The following RPS29 variants were observed in gnomAD, a reference collection of about 807,000 sequenced individuals.
RPS29 encodes ribosomal protein S29, also known as small ribosomal subunit protein uS14.
For synonymous variants in RPS29, 37 were observed against 26.9 expected (o/e 1.37, Z -1.16); for missense variants, 60 against 75.7 (o/e 0.79, Z 0.77).
intron 1 of RPS29, among the ~76,000 whole-genome samples, chr14:49,596,573 T>C (rs1023601180): frequency 5.3e-5 from 8 of 152,136 alleles, no homozygotes; most frequent in Non-Finnish European, 1.2e-4. Flanking sequence ...CAAAAACTGA[T>C]AGATGTTTAA....
At chr14:49,583,483 C>G (rs1463527090), downstream of RPS29, 3 of 557,208 alleles carry the variant, frequency 5.4e-6, no homozygotes, top group Non-Finnish European at 8.9e-6. Context: ...TCCAGCCTGG[C>G]GACAGAGGGG....
At chr14:49,582,620 ATT>A (rs1443325141), downstream of RPS29, among the ~76,000 whole-genome samples, 5 of 152,254 alleles carry the variant, frequency 3.3e-5, no homozygotes, top group Non-Finnish European at 4.4e-5. Flanking sequence ...GAACTCAAGT[ATT>A]TGTACAATTG....
Position 49,598,528 on chromosome 14 carries a change from G to A in RPS29, c.-261C>T, listed in dbSNP as rs777410598. ...AAACCACCAGCAGCCCGTCCGCGCC[G>A]GGAAATGCGCCCTCGCTGGCTTACG... On this transcript the variant is annotated 5_prime_UTR_variant, in exon 1 of 4. Coordinates refer to the RPS29 transcript ENST00000556230. 56 of 702,258 alleles carry A rather than the reference G, an allele frequency of 8.0e-5. 1 individual carries two copies. The highest frequency in any genetic ancestry group is 7.1e-4 in the South Asian group (48 of 67,600). The allele number at this position is 702,258 out of a possible 1,614,324, so 43.5% of individuals were successfully genotyped here.
upstream of RPS29, among the ~76,000 whole-genome samples, chr14:49,587,678 A>C (rs565650664): frequency 6.6e-6 from 1 of 152,256 alleles, no homozygotes; most frequent in African/African-American, 2.4e-5. Context: ...ATTATCTCCA[A>C]GACTTCAACA....
At chr14:49,579,214 T>C (rs780302346), downstream of RPS29, among the ~76,000 whole-genome samples, 11 of 152,146 alleles carry the variant, frequency 7.2e-5, no homozygotes, top group Non-Finnish European at 1.2e-4. Context: ...CTATCCACCA[T>C]GTAAGGACAC....
chr14:49,583,256 T>C (rs1449358950), downstream of RPS29, among the ~76,000 whole-genome samples: 2 of 152,204 alleles, frequency 1.3e-5, no homozygotes, highest in Non-Finnish European at 2.9e-5. Context: ...ATGTAAGTTT[T>C]TAAAGGATTT....
upstream of RPS29, among the ~76,000 whole-genome samples, chr14:49,589,712 A>C (rs184766385): frequency 7.9e-5 from 12 of 152,382 alleles, no homozygotes; most frequent in African/African-American, 2.6e-4. Flanking sequence ...AAATCATTCT[A>C]CAGTAAAGGC....
intron 1 of RPS29, among the ~76,000 whole-genome samples, chr14:49,595,273 T>C (rs1248750813): frequency 6.6e-6 from 1 of 152,020 alleles, no homozygotes; most frequent in African/African-American, 2.4e-5. Flanking sequence ...TGTCCATAGA[T>C]TGTGACCTCG....
downstream of RPS29, among the ~76,000 whole-genome samples, chr14:49,581,613 T>C (rs1254124006): frequency 6.6e-6 from 1 of 152,154 alleles, no homozygotes; most frequent in Non-Finnish European, 1.5e-5. Flanking sequence ...TTTTAAATTT[T>C]TGCTATTCTC....
At chr14:49,590,205 T>C (rs1881681830), upstream of RPS29, among the ~76,000 whole-genome samples, 1 of 152,146 alleles carries the variant, frequency 6.6e-6, no homozygotes, top group Non-Finnish European at 1.5e-5. Context: ...TGGCCAGGCA[T>C]GGTGGCTCAC....
At chr14:49,573,103 G>GAAAAAAAGAAAGAAAGAAAGAAAGAAA (rs1566473648) in exon 3 of RPS29, 1 of 142,442 alleles carries the variant, frequency 7.0e-6, no homozygotes, top group African/African-American at 2.6e-5. Flanking sequence ...AAAGAAAGAA[G>GAAAAAAAGAAAGAAAGAAAGAAAGAAA]GAAAGAAAGA....
In RPS29 at chr14:49,586,043, G is replaced by C; in HGVS notation, c.69C>G (p.Val23=). ...GGATCAGACCGTGCCGGTTTGAACA[G>C]ACACGACTGTAAGAAAAGAGACAGC... ...KFGQGSRSCR[V]CSNRHGLIRK... is the part of the protein sequence containing the mutation. The change falls in exon 2 of 3, where the codon GTC becomes GTG. Residue 23 remains valine, a synonymous_variant. Coordinates refer to ENST00000245458, the MANE Select transcript of RPS29 (RefSeq NM_001032.5). 1 of 1,611,590 alleles carries C rather than the reference G, an allele frequency of 6.2e-7. No individual in the cohort carries two copies. Among genetic ancestry groups the C allele is most frequent in the East Asian group, 2.2e-5 (1 of 44,778 alleles).
upstream of RPS29, among the ~76,000 whole-genome samples, chr14:49,588,381 T>C (rs1034774448): frequency 2.0e-5 from 3 of 152,224 alleles, no homozygotes; most frequent in African/African-American, 7.2e-5. Context: ...AGCTAAGACG[T>C]CGTACTTCCT....
downstream of RPS29, chr14:49,583,513 AAAG>A (rs1382361939): frequency 6.1e-6 from 5 of 825,644 alleles, no homozygotes; most frequent in South Asian, 9.1e-5. Flanking sequence ...TCAAAAAAAA[AAAG>A]AAAAAGATTT....
At chr14:49,583,980 C>T (rs986970994) in intron 2 of RPS29, among the ~76,000 whole-genome samples, 1 of 152,108 alleles carries the variant, frequency 6.6e-6, no homozygotes, top group Non-Finnish European at 1.5e-5. Flanking sequence ...ACTATAATTA[C>T]ACAGTTCATC....
chr14:49,582,778 G>T (rs1177169838), downstream of RPS29, among the ~76,000 whole-genome samples: 2 of 152,130 alleles, frequency 1.3e-5, no homozygotes, highest in African/African-American at 4.8e-5. Context: ...CAAATCCCAA[G>T]AATTTTCACC....
downstream of RPS29, among the ~76,000 whole-genome samples, chr14:49,579,129 G>C (rs1881268746): frequency 6.6e-6 from 1 of 152,164 alleles, no homozygotes; most frequent in Non-Finnish European, 1.5e-5. Flanking sequence ...ATTTTGGAAA[G>C]AGATTAGGTC....
At chr14:49,582,860 C>T (rs1881381886), downstream of RPS29, among the ~76,000 whole-genome samples, 1 of 152,218 alleles carries the variant, frequency 6.6e-6, no homozygotes, top group Non-Finnish European at 1.5e-5. Flanking sequence ...ACTATACCTA[C>T]ACTTCACCTT....
At position 49,583,659 on chromosome 14, in the gene RPS29, A is replaced by T. The variant is rs1022183320; in HGVS notation, c.*8T>A. On this transcript the variant is annotated 3_prime_UTR_variant, in exon 3 of 3. Coordinates refer to ENST00000245458, the MANE Select transcript of RPS29 (RefSeq NM_001032.5). ...GATGCCCCGGATAATCCTCTGAAGG[A>T]AGAGCATTTAGTCCAACTGAAAAAA... 4 of 1,579,584 alleles carry T rather than the reference A, an allele frequency of 2.5e-6. No individual in the cohort carries two copies. Among genetic ancestry groups the T allele is most frequent in the Non-Finnish European group, 3.5e-6 (4 of 1,156,688 alleles).
Sources: allele counts gnomAD v4.1 joint callset (sites outside exome capture counted in the v4.1 genomes callset), GRCh38; gene constraint gnomAD v4.1.1; transcripts MANE v1.5; gene names NCBI Gene and HGNC (gene_info 2026-07-23, HGNC 2026-07-21).